LINGO2: variants seen among roughly 807,000 people sequenced by gnomAD.
LINGO2 encodes leucine-rich repeat and immunoglobulin-like domain-containing nogo receptor-interacting protein 2.
In LINGO2, 14 loss-of-function variants were observed where a neutral mutation model predicts 30.6. The ratio of observed to expected loss-of-function variants is 0.46; its 90% CI spans 0.30 to 0.72. The LOEUF is 0.72. LINGO2 is among the 30% of genes least tolerant of loss of function. The probability of loss-of-function intolerance (pLI) is 0.07; values close to 1 mark genes in which losing one functional copy is unlikely to be tolerated. For synonymous variants in LINGO2, 317 were observed against 288.5 expected (o/e 1.10, Z -1.00); for missense variants, 729 against 751.7 (o/e 0.97, Z 0.35).
the LINGO2 span, among the ~76,000 whole-genome samples, chr9:29,084,610 G>T: frequency 6.6e-6 from 1 of 151,858 alleles, no homozygotes; most frequent in Non-Finnish European, 1.5e-5. Flanking sequence ...AATTGATATA[G>T]AATCTGACCC....
the LINGO2 span, among the ~76,000 whole-genome samples, chr9:29,028,427 G>GGGGGCT: frequency 2.4e-5 from 3 of 123,964 alleles, no homozygotes; most frequent in African/African-American, 1.0e-4. Flanking sequence ...TGTGGGGGGG[G>GGGGGCT]GTGAGAGAGA....
At chr9:28,968,134 C>A in the LINGO2 span, among the ~76,000 whole-genome samples, 1 of 152,016 alleles carries the variant, frequency 6.6e-6, no homozygotes, top group Non-Finnish European at 1.5e-5. Context: ...AAAACTAGAA[C>A]AAAATTTGCA....
At chr9:29,056,671 G>A in the LINGO2 span, among the ~76,000 whole-genome samples, 4 of 152,112 alleles carry the variant, frequency 2.6e-5, no homozygotes, top group African/African-American at 9.7e-5. Context: ...CGACGACAAT[G>A]TCTAGAAGGG....
intron 1 of LINGO2, among the ~76,000 whole-genome samples, chr9:28,617,419 C>A (rs1826182011): frequency 6.6e-6 from 1 of 151,968 alleles, no homozygotes; most frequent in African/African-American, 2.4e-5. Flanking sequence ...CCTCAGCCTC[C>A]CCAGTAGCTG....
intron 2 of LINGO2, among the ~76,000 whole-genome samples, chr9:28,397,267 T>C (rs1421781365): frequency 6.6e-6 from 1 of 151,706 alleles, no homozygotes; most frequent in East Asian, 1.9e-4. Context: ...GAGGATAAGA[T>C]ATATAAAAAT....
chr9:29,031,034 T>C, the LINGO2 span, among the ~76,000 whole-genome samples: 5 of 152,122 alleles, frequency 3.3e-5, no homozygotes, highest in East Asian at 1.9e-4. Flanking sequence ...ACTATCCTTA[T>C]ACATTTTAAG....
chr9:28,296,573 T>C (rs1323546332), intron 3 of LINGO2, among the ~76,000 whole-genome samples: 1 of 152,166 alleles, frequency 6.6e-6, no homozygotes, highest in African/African-American at 2.4e-5. Context: ...GGAGACTTTG[T>C]TAAAAGGCAC....
chr9:28,745,553 G>T, the LINGO2 span, among the ~76,000 whole-genome samples: 3 of 151,938 alleles, frequency 2.0e-5, no homozygotes, highest in Non-Finnish European at 4.4e-5. Context: ...GAATGAGTGG[G>T]TTTTTAAAAA....
At chr9:28,875,320 T>C in the LINGO2 span, among the ~76,000 whole-genome samples, 47 of 151,894 alleles carry the variant, frequency 3.1e-4, no homozygotes, top group Non-Finnish European at 5.9e-4. Flanking sequence ...TCTGGGTTTG[T>C]GTACGTCTAC....
At chr9:29,076,358 G>C in the LINGO2 span, among the ~76,000 whole-genome samples, 2 of 151,700 alleles carry the variant, frequency 1.3e-5, no homozygotes, top group Admixed American at 6.6e-5. Flanking sequence ...TCAGCAGCAA[G>C]CATTTCCTTA....
the LINGO2 span, among the ~76,000 whole-genome samples, chr9:28,967,883 G>C: frequency 6.6e-6 from 1 of 152,144 alleles, no homozygotes; most frequent in Non-Finnish European, 1.5e-5. Flanking sequence ...GCAACTTCTT[G>C]ATCATTTTCA....
intron 4 of LINGO2, among the ~76,000 whole-genome samples, chr9:28,084,811 G>A (rs1587825678): frequency 6.6e-6 from 1 of 152,144 alleles, no homozygotes; most frequent in Non-Finnish European, 1.5e-5. Context: ...TGAGGTCCAT[G>A]GGCCAGAAAG....
intron 2 of LINGO2, among the ~76,000 whole-genome samples, chr9:28,382,901 A>C (rs2134639119): frequency 6.6e-6 from 1 of 152,186 alleles, no homozygotes; most frequent in East Asian, 1.9e-4. Flanking sequence ...TCACTAAATA[A>C]ATTTTATCAT....
At chr9:28,183,376 C>CAT (rs1819427441) in intron 4 of LINGO2, among the ~76,000 whole-genome samples, 1 of 151,920 alleles carries the variant, frequency 6.6e-6, no homozygotes. Flanking sequence ...GGCACAGGTA[C>CAT]ACCTATGTAA....
chr9:28,301,104 T>G (rs1473209725), intron 3 of LINGO2, among the ~76,000 whole-genome samples: 1 of 152,152 alleles, frequency 6.6e-6, no homozygotes, highest in Admixed American at 6.5e-5. Context: ...CTCTTAAATG[T>G]AAATATAGTG....
intron 4 of LINGO2, among the ~76,000 whole-genome samples, chr9:28,215,551 A>G (rs911199186): frequency 1.1e-4 from 17 of 151,802 alleles, no homozygotes; most frequent in African/African-American, 4.1e-4. Context: ...GCAAGTGAAT[A>G]TTTTCTTTTC....
At chr9:28,586,943 G>T (rs1226324546) in intron 1 of LINGO2, among the ~76,000 whole-genome samples, 1 of 152,042 alleles carries the variant, frequency 6.6e-6, no homozygotes, top group East Asian at 1.9e-4. Flanking sequence ...AAACAATAGA[G>T]ATCCCAATGC....
intron 4 of LINGO2, among the ~76,000 whole-genome samples, chr9:28,121,147 A>G (rs1827083939): frequency 6.6e-6 from 1 of 152,150 alleles, no homozygotes; most frequent in African/African-American, 2.4e-5. Flanking sequence ...CCATAAAACA[A>G]ACTAGAAAGA....
chr9:28,598,418 C>T (rs200212532), intron 1 of LINGO2, among the ~76,000 whole-genome samples: 4 of 109,054 alleles, frequency 3.7e-5, no homozygotes, highest in African/African-American at 1.1e-4. Context: ...TTCTCCATAT[C>T]AAAAAAAAAA....
Sources: gnomAD v4.1 joint callset for allele counts (sites outside exome capture counted in the v4.1 genomes callset) on GRCh38, gnomAD v4.1.1 for gene constraint, MANE v1.5 for transcripts, NCBI Gene and HGNC (gene_info 2026-07-23, HGNC 2026-07-21) for gene names.